The following PSMD1 variants were observed in gnomAD, a reference collection of about 807,000 sequenced individuals.
The protein encoded by PSMD1 is proteasome 26S subunit, non-ATPase 1.
In PSMD1, 18 loss-of-function variants were observed where a neutral mutation model predicts 119.0. That is an observed-to-expected ratio of 0.15 (90% CI 0.10 to 0.22). PSMD1 has a LOEUF of 0.22. Among genes scored for constraint, PSMD1 ranks in the 10% least tolerant of loss-of-function variants. PSMD1 has a pLI of 1.00. For missense variants in PSMD1, 702 were observed against 1,158.5 expected (o/e 0.61, Z 5.72); for synonymous variants, 374 against 396.6 (o/e 0.94, Z 0.68).
intron 16 of PSMD1, among the ~76,000 whole-genome samples, chr2:231,111,214 C>G (rs985251030): frequency 2.0e-5 from 3 of 152,164 alleles, no homozygotes; most frequent in African/African-American, 7.2e-5. Context: ...ATTATTTGCA[C>G]TAAAGCCATC....
At chr2:231,088,338 A>G (rs553736923) in intron 16 of PSMD1, among the ~76,000 whole-genome samples, 59 of 152,344 alleles carry the variant, frequency 3.9e-4, no homozygotes, top group African/African-American at 1.4e-3. Context: ...TAGCTAAGAT[A>G]CAAGCATACC....
rs549538101 is a variant in PSMD1 at position 231,167,971 on chromosome 2, A to G, written c.2715+1954A>G. On this transcript the variant is annotated intron_variant, in intron 23 of 24. Coordinates refer to ENST00000308696, the MANE Select transcript of PSMD1 (RefSeq NM_002807.4). ...GGTTCCCACTTACAGTCCCAGCTAC[A>G]TGGGAGGCCAAGGCAGGAGGATTGC... Among the ~76,000 whole-genome samples, 26 of 152,330 alleles carry G rather than the reference A, an allele frequency of 1.7e-4. No homozygotes were observed. The South Asian group carries it at 2.5e-3, about 15-fold the overall frequency.
At chr2:231,080,587 T>C (rs531363846) in intron 12 of PSMD1, among the ~76,000 whole-genome samples, 16 of 152,318 alleles carry the variant, frequency 1.1e-4, no homozygotes, top group Admixed American at 2.0e-4. Flanking sequence ...ACCTTAGTTA[T>C]CATCTAGTCT....
chr2:231,123,334 A>G, intron 16 of PSMD1: 1 of 1,036,614 alleles, frequency 9.6e-7, no homozygotes, highest in Non-Finnish European at 1.5e-6. Flanking sequence ...AAGAAAAGTA[A>G]AGATTAAATG....
In PSMD1 at chr2:231,066,809, C is replaced by T. The variant is rs542484989; in HGVS notation, c.305-97C>T. On this transcript the variant is annotated intron_variant, in intron 4 of 24. Coordinates refer to ENST00000308696, the MANE Select transcript of PSMD1 (RefSeq NM_002807.4). Reference sequence around the variant, plus strand: ...CAAAATTTGCTTATTGCTTTATAGTCATCCCATAAGTATATATGATTATAA... The same window carrying T: ...CAAAATTTGCTTATTGCTTTATAGTTATCCCATAAGTATATATGATTATAA... The T allele has an allele frequency of 1.7e-4, 172 of 992,590 alleles. No individual in the cohort carries two copies. The East Asian group carries it at 4.4e-3, about 26-fold the overall frequency. The allele number at this position is 992,590 out of a possible 1,614,324, so 61.5% of individuals were successfully genotyped here. A position where few individuals can be genotyped will look rare whatever the true frequency, so the allele number is the denominator to read the frequency against.
At chr2:231,096,407 G>C (rs1433250342) in intron 16 of PSMD1, among the ~76,000 whole-genome samples, 2 of 152,126 alleles carry the variant, frequency 1.3e-5, no homozygotes, top group Non-Finnish European at 1.5e-5. Flanking sequence ...AGGCACTTCT[G>C]TGTATAGCAG....
intron 16 of PSMD1, among the ~76,000 whole-genome samples, chr2:231,094,712 G>A (rs930053184): frequency 2.6e-5 from 4 of 152,164 alleles, no homozygotes; most frequent in South Asian, 2.1e-4. Flanking sequence ...GTTGGGTATG[G>A]GGGAGTGAAC....
intron 16 of PSMD1, among the ~76,000 whole-genome samples, chr2:231,125,457 T>C (rs1487925462): frequency 2.0e-5 from 3 of 152,244 alleles, no homozygotes; most frequent in Admixed American, 2.0e-4. Flanking sequence ...TTTCTAGCAG[T>C]GAAACAAGAT....
At chr2:231,169,332 A>G (rs1422029084) in intron 23 of PSMD1, among the ~76,000 whole-genome samples, 2 of 152,160 alleles carry the variant, frequency 1.3e-5, no homozygotes, top group African/African-American at 4.8e-5. Flanking sequence ...ATTCATCTCC[A>G]TTTGGTCCAT....
chr2:231,068,268 C>T (rs574812218), intron 5 of PSMD1, among the ~76,000 whole-genome samples: 1 of 152,144 alleles, frequency 6.6e-6, no homozygotes, highest in Admixed American at 6.5e-5. Context: ...GTCGATAATA[C>T]GATTTGTTTA....
intron 18 of PSMD1, 113 bp from the exon 19 acceptor site, chr2:231,153,436 TATCCCTCTCTTGAGC>T: frequency 1.4e-6 from 1 of 705,810 alleles, no homozygotes; most frequent in East Asian, 2.8e-5. Flanking sequence ...GTCTGGTCCA[TATCCCTCTCTTGAGC>T]ATTACGAAAC....
intron 4 of PSMD1, among the ~76,000 whole-genome samples, chr2:231,066,130 C>T (rs1161583707): frequency 6.6e-6 from 1 of 152,168 alleles, no homozygotes; most frequent in African/African-American, 2.4e-5. Context: ...ATGATGTTTG[C>T]ACAATGATGA....
intron 16 of PSMD1, among the ~76,000 whole-genome samples, chr2:231,104,466 T>C (rs1031011288): frequency 5.3e-5 from 8 of 152,140 alleles, no homozygotes; most frequent in Non-Finnish European, 1.2e-4. Context: ...ACTGGAAAAA[T>C]TTTGTCTAAA....
chr2:231,106,632 A>G (rs1262798514), intron 16 of PSMD1, among the ~76,000 whole-genome samples: 1 of 152,188 alleles, frequency 6.6e-6, no homozygotes, highest in Non-Finnish European at 1.5e-5. Context: ...AAAGAAAAAA[A>G]AAATTGTAAG....
At chr2:231,128,736 C>T (rs1363448585) in intron 16 of PSMD1, among the ~76,000 whole-genome samples, 2 of 152,126 alleles carry the variant, frequency 1.3e-5, no homozygotes, top group Non-Finnish European at 2.9e-5. Flanking sequence ...GATAGGCTGC[C>T]ATCTCTACTG....
chr2:231,109,457 A>G, intron 16 of PSMD1: 2 of 1,481,970 alleles, frequency 1.3e-6, no homozygotes, highest in Non-Finnish European at 1.9e-6. Context: ...ATGACCTGTA[A>G]CTCTTCGATT....
intron 19 of PSMD1, among the ~76,000 whole-genome samples, chr2:231,156,286 T>C (rs905321620): frequency 2.0e-5 from 3 of 152,180 alleles, no homozygotes; most frequent in East Asian, 1.9e-4. Flanking sequence ...TCCCCTGTTA[T>C]TGGCATCTTG....
At chr2:231,117,243 A>G (rs915713720) in intron 16 of PSMD1, among the ~76,000 whole-genome samples, 4 of 152,094 alleles carry the variant, frequency 2.6e-5, no homozygotes, top group African/African-American at 9.6e-5. Context: ...AAGAATTTCT[A>G]ATTACATTAT....
chr2:231,099,213 C>T (rs1462124631), intron 16 of PSMD1, among the ~76,000 whole-genome samples: 1 of 152,128 alleles, frequency 6.6e-6, no homozygotes, highest in East Asian at 1.9e-4. Flanking sequence ...GCTGGCTCCT[C>T]TGACTTTTCA....
Sources: gnomAD v4.1 joint callset for allele counts (sites outside exome capture counted in the v4.1 genomes callset) on GRCh38, gnomAD v4.1.1 for gene constraint, MANE v1.5 for transcripts, NCBI Gene and HGNC (gene_info 2026-07-23, HGNC 2026-07-21) for gene names.